The following LINGO1 variants were observed in gnomAD, a reference collection of about 807,000 sequenced individuals.
LINGO1 encodes leucine-rich repeat and immunoglobulin-like domain-containing nogo receptor-interacting protein 1.
In LINGO1, 11 loss-of-function variants were observed where a neutral mutation model predicts 37.3. The ratio of observed to expected loss-of-function variants is 0.29; its 90% CI spans 0.19 to 0.49. The LOEUF (loss-of-function observed/expected upper bound fraction) is 0.49. Ranked by LOEUF, LINGO1 falls within the 20% of genes least tolerant of loss-of-function variation. The pLI, the probability that LINGO1 is intolerant of heterozygous loss-of-function variation, is 0.99. For missense variants in LINGO1, 585 were observed against 878.2 expected, an observed-to-expected ratio of 0.67 and a Z score of 4.22; for synonymous variants, 387 against 403.0, an observed-to-expected ratio of 0.96 and a Z score of 0.48.
chr15:77,620,341 C>A (rs150125161), intron 1 of LINGO1, among the ~76,000 whole-genome samples: 1 of 152,376 alleles, frequency 6.6e-6, no homozygotes, highest in East Asian at 1.9e-4. Flanking sequence ...CCTAAAGCAT[C>A]CAGAGTCCTT....
In LINGO1 at chr15:77,614,340, G is replaced by A; in HGVS notation, c.1567C>T (p.His523Tyr). The A allele has an allele frequency of 1.9e-6, 3 of 1,613,928 alleles. No individual in the cohort carries two copies. Among genetic ancestry groups the A allele is most frequent in the Non-Finnish European group, 2.5e-6 (3 of 1,179,896 alleles). Residue 523 changes from histidine to tyrosine, a missense_variant, in exon 2 of 2, where the codon CAT becomes TAT. His to Tyr is a moderately conservative substitution (Grantham distance 83). Coordinates refer to ENST00000355300, the MANE Select transcript of LINGO1 (RefSeq NM_032808.7). ...HVRSYSPDWPHQPNKTFAFIS... is the reference protein window; with the variant it reads ...HVRSYSPDWPYQPNKTFAFIS... The stretch of plus-strand genomic sequence containing the variant: ...AAAGCGAAGGTCTTGTTGGGCTGAT[G>A]GGGCCAGTCGGGCGAGTAGCTGCGC...
At chr15:77,673,003 A>T (rs2075276178) in intron 3 of LINGO1, among the ~76,000 whole-genome samples, 1 of 152,230 alleles carries the variant, frequency 6.6e-6, no homozygotes, top group Non-Finnish European at 1.5e-5. Context: ...ACAGGAATGG[A>T]GCTTCAGAGC....
intron 2 of LINGO1, among the ~76,000 whole-genome samples, chr15:77,710,774 C>T (rs2075909097): frequency 6.6e-6 from 1 of 152,246 alleles, no homozygotes; most frequent in Admixed American, 6.5e-5. Flanking sequence ...AGCATGCTTG[C>T]TCAAGGTCAC....
chr15:77,725,377 G>A (rs532813700), intron 2 of LINGO1, among the ~76,000 whole-genome samples: 4 of 152,088 alleles, frequency 2.6e-5, no homozygotes, highest in Admixed American at 1.3e-4. Context: ...GAAACATATC[G>A]AGACCCTGTC....
intron 2 of LINGO1, among the ~76,000 whole-genome samples, chr15:77,703,257 A>G (rs1185759772): frequency 1.3e-5 from 2 of 152,188 alleles, no homozygotes; most frequent in South Asian, 4.1e-4. Flanking sequence ...CAAATGACTC[A>G]CAAATGGGGG....
intron 1 of LINGO1, among the ~76,000 whole-genome samples, chr15:77,747,033 C>A (rs2076320996): frequency 6.6e-6 from 1 of 152,216 alleles, no homozygotes; most frequent in African/African-American, 2.4e-5. Flanking sequence ...TGGACTAGAA[C>A]ACAGGCACCT....
chr15:77,815,381 T>G (rs1446088543), intron 1 of LINGO1, among the ~76,000 whole-genome samples: 1 of 149,362 alleles, frequency 6.7e-6, no homozygotes, highest in Non-Finnish European at 1.5e-5. Context: ...GACCTTGTGC[T>G]AGCCACTGCC....
chr15:77,794,693 T>G (rs1312854804), intron 2 of LINGO1, among the ~76,000 whole-genome samples: 2 of 150,886 alleles, frequency 1.3e-5, no homozygotes, highest in African/African-American at 4.9e-5. Context: ...GTTCACGCCA[T>G]TCTCCTGCCT....
At chr15:77,785,192 G>A (rs1321532534) in intron 1 of LINGO1, 1 of 152,230 alleles carries the variant, frequency 6.6e-6, no homozygotes, top group Non-Finnish European at 1.5e-5. Flanking sequence ...CACACAGTGG[G>A]TGCTCCACCA....
chr15:77,783,128 G>A (rs892126244), intron 1 of LINGO1, among the ~76,000 whole-genome samples: 2 of 152,048 alleles, frequency 1.3e-5, no homozygotes, highest in Non-Finnish European at 2.9e-5. Context: ...GATGCCCATC[G>A]GAGCTGCTCA....
At chr15:77,816,800 G>A (rs1192980843) in intron 1 of LINGO1, among the ~76,000 whole-genome samples, 2 of 152,164 alleles carry the variant, frequency 1.3e-5, no homozygotes. Context: ...GGGTGGGAGT[G>A]GAGGTACCAG....
chr15:77,726,410 G>A (rs1470444125), intron 2 of LINGO1, among the ~76,000 whole-genome samples: 1 of 152,220 alleles, frequency 6.6e-6, no homozygotes, highest in Non-Finnish European at 1.5e-5. Context: ...CTCAGGGCCA[G>A]AGCAATAGGC....
upstream of LINGO1, among the ~76,000 whole-genome samples, chr15:77,787,601 T>C (rs577624824): frequency 6.6e-6 from 1 of 152,104 alleles, no homozygotes; most frequent in East Asian, 1.9e-4. Context: ...CCCTCCTCTT[T>C]GCCCTCCCCA....
upstream of LINGO1, among the ~76,000 whole-genome samples, chr15:77,700,335 G>C (rs1347230473): frequency 6.6e-6 from 1 of 152,242 alleles, no homozygotes. Context: ...AGAAGGGGCA[G>C]AGCTGGGAAG....
At chr15:77,788,685 C>T (rs1328552672), upstream of LINGO1, 4 of 152,200 alleles carry the variant, frequency 2.6e-5, no homozygotes, top group African/African-American at 9.7e-5. Flanking sequence ...AAACAAAGCA[C>T]CTTCTTATTC....
chr15:77,648,062 A>T (rs2074676221), intron 3 of LINGO1: 5 of 390,346 alleles, frequency 1.3e-5, no homozygotes, highest in South Asian at 9.6e-5. Context: ...AGCCACAGGG[A>T]GAGGGTGGTA....
intron 3 of LINGO1, chr15:77,646,304 G>A (rs1031278697): frequency 2.0e-5 from 7 of 354,308 alleles, no homozygotes; most frequent in Non-Finnish European, 3.9e-5. Context: ...AGAGCAGTGG[G>A]CGGGGAACCC....
chr15:77,701,479 G>A (rs886235577), upstream of LINGO1, among the ~76,000 whole-genome samples: 1 of 152,250 alleles, frequency 6.6e-6, no homozygotes, highest in Admixed American at 6.5e-5. Flanking sequence ...TGATCAAGAG[G>A]CCTGAGAAGG....
chr15:77,775,414 C>T lies in LINGO1; in HGVS notation c.-257+11455G>A, dbSNP rs192863471. Among the ~76,000 whole-genome samples the T allele has an allele frequency of 2.7e-4, 41 of 152,290 alleles. No individual in the cohort carries two copies. In the East Asian group the frequency reaches 5.2e-3, roughly 19 times the overall value. On this transcript the variant is annotated intron_variant, in intron 1 of 3. Coordinates refer to the LINGO1 transcript ENST00000561686. ...CTACCACTACCCAGTTTGCAGGTCC[C>T]GGTCTCTCCTGCCTGCCACCTCCTG...
Sources: allele counts gnomAD v4.1 joint callset (sites outside exome capture counted in the v4.1 genomes callset), GRCh38; gene constraint gnomAD v4.1.1; transcripts MANE v1.5; gene names NCBI Gene and HGNC (gene_info 2026-07-23, HGNC 2026-07-21).